Variants in LRRC37A3 observed in about 807,000 individuals in gnomAD.
LRRC37A3 encodes the protein leucine-rich repeat-containing protein 37A3.
A neutral mutation model predicts 106.2 loss-of-function variants in LRRC37A3; 25 were observed. The ratio of observed to expected loss-of-function variants is 0.24; its 90% confidence interval spans 0.17 to 0.33. The LOEUF is 0.33. Ranked by LOEUF, LRRC37A3 falls within the 10% of genes least tolerant of loss-of-function variation. The pLI, the probability that LRRC37A3 is intolerant of heterozygous loss-of-function variation, is 1.00. For synonymous variants in LRRC37A3, 305 were observed against 635.8 expected (o/e 0.48, Z 7.83); for missense variants, 712 against 1,644.9 (o/e 0.43, Z 9.81).
Position 64,858,813 on chromosome 17 carries a change from A to G in LRRC37A3, c.4775T>C (p.Leu1592Pro). Residue 1592 changes from leucine (L) to proline (P), a missense_variant, in exon 13 of 15, where the codon CTA (leucine) becomes CCA (proline). Physicochemically the swap from Leu to Pro is moderately conservative, Grantham distance 98 (BLOSUM62 -3). Transcript: ENST00000584306. Reference sequence around the variant, plus strand: ...GCAGAGAAGTATAATCAAAATCGTTAGTATTCCAGTCACAATTAACGCCAA... The same window carrying G: ...GCAGAGAAGTATAATCAAAATCGTTGGTATTCCAGTCACAATTAACGCCAA... ...LILALIVTGILTILIILLCLI... is the reference protein window; with the variant it reads ...LILALIVTGIPTILIILLCLI... 1 of 1,613,300 alleles carries G rather than the reference A, an allele frequency of 6.2e-7. No individual in the cohort carries two copies.
At chr17:64,864,623 A>G (rs1172374582) in intron 10 of LRRC37A3, among the ~76,000 whole-genome samples, 2 of 151,892 alleles carry the variant, frequency 1.3e-5, no homozygotes, top group African/African-American at 2.4e-5. Context: ...GTCATTAAGA[A>G]TACAGATTCC....
chr17:64,875,904 G>T (rs934807542), intron 8 of LRRC37A3, among the ~76,000 whole-genome samples: 6 of 152,250 alleles, frequency 3.9e-5, no homozygotes, highest in Admixed American at 3.9e-4. Flanking sequence ...TATAAAGGAG[G>T]GGGTGAGAGT....
Position 64,859,841 on chromosome 17 carries a change from C to T in LRRC37A3, c.4305G>A (p.Gly1435=), listed in dbSNP as rs148856977. ...TTGTCTCAGTTTGTTTAACAGTTGG[C>T]CCTAAGTTGAATGCAGTCCCAGCGG... is the stretch of plus-strand genomic sequence containing the variant. ...ADSAGTAFNL[G]PTVKQTETKW... The change falls in exon 12 of 15, where the codon GGG becomes GGA. Residue 1435 remains glycine, a synonymous_variant. Coordinates refer to ENST00000584306, the MANE Select transcript of LRRC37A3 (RefSeq NM_199340.5). The T allele has an allele frequency of 6.2e-6, 10 of 1,612,090 alleles. No individual in the cohort carries two copies. The East Asian group carries it at 1.6e-4, about 25-fold the overall frequency.
At chr17:64,872,210 CAAA>C (rs60703427) in intron 8 of LRRC37A3, among the ~76,000 whole-genome samples, 146 of 61,844 alleles carry the variant, frequency 2.4e-3, no homozygotes, top group African/African-American at 7.3e-3. Flanking sequence ...AAAAAATAGC[CAAA>C]AAAAAAAAAA....
At chr17:64,910,540 C>A (rs1309344706) in intron 2 of LRRC37A3, among the ~76,000 whole-genome samples, 1 of 151,396 alleles carries the variant, frequency 6.6e-6, no homozygotes, top group Non-Finnish European at 1.5e-5. Context: ...GTAGATTTTT[C>A]AGAGTTGACT....
chr17:64,879,662 C>T (rs1220894359), intron 8 of LRRC37A3, among the ~76,000 whole-genome samples: 1 of 152,090 alleles, frequency 6.6e-6, no homozygotes, highest in Non-Finnish European at 1.5e-5. Flanking sequence ...AAATATCCTT[C>T]GTGATTTTTT....
intron 10 of LRRC37A3, among the ~76,000 whole-genome samples, chr17:64,866,623 TA>T (rs1567766758): frequency 1.5e-3 from 36 of 24,362 alleles, no homozygotes; most frequent in African/African-American, 6.9e-3. Context: ...TATATATATA[TA>T]TATATTTTTT....
In LRRC37A3 at chr17:64,918,438, G is replaced by A. The variant is rs1974753465; in HGVS notation, c.-496+312C>T. ...AATGGTAAAGGCAATGTAATTTGAAGAGAAAAAGGAGACATAAATATAAGA... is the reference window on the plus strand; with the variant it reads ...AATGGTAAAGGCAATGTAATTTGAAAAGAAAAAGGAGACATAAATATAAGA... On this transcript the variant is annotated intron_variant, in intron 2 of 14. Transcript: ENST00000584306. 3.9e-5 allele frequency among the ~76,000 whole-genome samples: 6 copies of A among 151,942 alleles called. No homozygotes were observed. In the South Asian group the frequency reaches 1.2e-3, roughly 32 times the overall value.
At chr17:64,873,403 C>T (rs1176919194) in intron 8 of LRRC37A3, among the ~76,000 whole-genome samples, 4 of 152,130 alleles carry the variant, frequency 2.6e-5, no homozygotes, top group Non-Finnish European at 5.9e-5. Flanking sequence ...CAGCCTCAAC[C>T]TCAGCCTCAG....
At chr17:64,854,794 T>C (rs910803152) in intron 14 of LRRC37A3, 150 bp from the exon 15 acceptor site, 3 of 1,611,610 alleles carry the variant, frequency 1.9e-6, no homozygotes, top group African/African-American at 2.7e-5. Context: ...GATGACTTCT[T>C]GTGCAGCTTC....
At chr17:64,864,268 C>T (rs956862358) in intron 10 of LRRC37A3, among the ~76,000 whole-genome samples, 9 of 152,076 alleles carry the variant, frequency 5.9e-5, no homozygotes, top group South Asian at 2.1e-4. Flanking sequence ...ACTTGAATTT[C>T]GTCATGAGGA....
chr17:64,858,863 T>C lies in LRRC37A3; in HGVS notation c.4725A>G (p.Gly1575=). 2 of 1,607,616 alleles carry C rather than the reference T, an allele frequency of 1.2e-6. No homozygotes were observed. The highest frequency in any genetic ancestry group is 1.7e-6 in the Non-Finnish European group (2 of 1,177,618). The change falls in exon 13 of 15, where the codon GGA becomes GGG. Residue 1575 remains glycine, a synonymous_variant. Transcript: ENST00000584306. ...AGATGAGTTTTTTGGTATAGCCATA[T>C]CCTGGAAGTTCTTTTGTGAACTAAA... ...KSLEFTKELP[G]YGYTKKLILA...
rs754836928 is a variant in LRRC37A3 at position 64,860,124 on chromosome 17, C to A, written c.4022G>T (p.Arg1341Met). 5.6e-6 allele frequency: 9 copies of A among 1,613,964 alleles called. No homozygotes were observed. The highest frequency in any genetic ancestry group is 7.6e-6 in the Non-Finnish European group (9 of 1,179,860). The part of the protein sequence containing the change: ...SYLSRLMLSN[R>M]LPFSAAKSLI... ...GCTCTTCGCTGCAGAGAACGGAAGC[C>A]TGTTTGAGAGCATCAGTCTACTCAG... Residue 1341 changes from arginine (R) to methionine (M), a missense_variant, in exon 12 of 15, where the codon AGG becomes ATG. By Grantham distance (91) the Arg-to-Met change is moderately conservative. Coordinates refer to ENST00000584306, the MANE Select transcript of LRRC37A3 (RefSeq NM_199340.5).
At chr17:64,887,462 T>G (rs866442567) in intron 6 of LRRC37A3, among the ~76,000 whole-genome samples, 1 of 50,020 alleles carries the variant, frequency 2.0e-5, no homozygotes, top group South Asian at 7.9e-4. Flanking sequence ...GAGCCAAGAT[T>G]GCACCACTGC....
At chr17:64,915,203 AC>A (rs1974678076) in intron 2 of LRRC37A3, among the ~76,000 whole-genome samples, 1 of 151,944 alleles carries the variant, frequency 6.6e-6, no homozygotes, top group Non-Finnish European at 1.5e-5. Context: ...ATCATTACAC[AC>A]TGTATGAATC....
At chr17:64,916,119 AAAG>A (rs1451616036) in intron 2 of LRRC37A3, among the ~76,000 whole-genome samples, 4 of 151,972 alleles carry the variant, frequency 2.6e-5, no homozygotes, top group African/African-American at 7.3e-5. Context: ...TAAAAAAATA[AAAG>A]AAGCCTGGCG....
Position 64,860,688 on chromosome 17 carries a change from T to A in LRRC37A3, c.3458A>T (p.Lys1153Met), listed in dbSNP as rs778658545. 6.2e-7 allele frequency: 1 copy of A among 1,614,034 alleles called. No individual in the cohort carries two copies. The highest frequency in any genetic ancestry group is 1.1e-5 in the South Asian group (1 of 91,080). Residue 1153 changes from lysine (K) to methionine (M), a missense_variant, in exon 12 of 15, where the codon AAG (lysine) becomes ATG (methionine). By Grantham distance (95) the Lys-to-Met change is moderately conservative. Coordinates refer to ENST00000584306, the MANE Select transcript of LRRC37A3 (RefSeq NM_199340.5). ...CCGGTTTTTGCCTACAGTTTGAATC[T>A]TTGCCAGGCTGTTTCCTGTGGTTGG... ...KLPTTGNSLA[K>M]IQTVGKNRQR...
In LRRC37A3 at chr17:64,860,367, C is replaced by A; in HGVS notation, c.3779G>T (p.Ser1260Ile). The A allele has an allele frequency of 6.2e-7, 1 of 1,613,938 alleles. No homozygotes were observed. The highest frequency in any genetic ancestry group is 8.5e-7 in the Non-Finnish European group (1 of 1,179,874). ...CACCTGTGGTAGGGCTTTTGCAGGG[C>A]TGGAGGTAGAAGGCGCGCCCTTGGA... is the stretch of plus-strand genomic sequence containing the variant. ...PFSKGAPSTS[S>I]PAKALPQVRD... Residue 1260 changes from serine to isoleucine, a missense_variant, in exon 12 of 15, where the codon AGC (serine) becomes ATC (isoleucine). Physicochemically the swap from Ser to Ile is moderately radical, Grantham distance 142 (BLOSUM62 -2). Transcript: ENST00000584306.
intron 2 of LRRC37A3, among the ~76,000 whole-genome samples, chr17:64,909,167 C>G (rs904950591): frequency 2.0e-5 from 3 of 152,094 alleles, no homozygotes; most frequent in Admixed American, 6.5e-5. Flanking sequence ...GTTATTTCCC[C>G]TAAGATCCAG....
Sources: gnomAD v4.1 joint callset for allele counts (sites outside exome capture counted in the v4.1 genomes callset) on GRCh38, gnomAD v4.1.1 for gene constraint, MANE v1.5 for transcripts, NCBI Gene and HGNC (gene_info 2026-07-23, HGNC 2026-07-21) for gene names.